Variants in OPCML observed in about 807,000 individuals in gnomAD.
OPCML encodes the protein opioid binding protein/cell adhesion molecule like, also known as opioid-binding protein/cell adhesion molecule.
Under a neutral mutation model 37.8 loss-of-function variants are expected in OPCML, and 13 were observed. The observed-to-expected ratio is 0.34, with a 90% CI of 0.22 to 0.55. The LOEUF is 0.55. Ranked by LOEUF, OPCML falls within the 20% of genes least tolerant of loss-of-function variation. The pLI is 0.91. For missense variants in OPCML, 341 were observed against 435.6 expected (o/e 0.78, Z 1.93); for synonymous variants, 176 against 168.8 (o/e 1.04, Z -0.33).
intron 1 of OPCML, among the ~76,000 whole-genome samples, chr11:132,981,542 C>A (rs776795709): frequency 6.6e-6 from 1 of 152,134 alleles, no homozygotes; most frequent in Non-Finnish European, 1.5e-5. Flanking sequence ...ACACAGGAAC[C>A]ACCGCACGTT....
At chr11:133,453,451 T>C (rs191391158) in intron 1 of OPCML, among the ~76,000 whole-genome samples, 89 of 152,348 alleles carry the variant, frequency 5.8e-4, no homozygotes, top group South Asian at 1.2e-3. Context: ...TAGGGTACAA[T>C]TTATTTATTT....
chr11:132,529,696 T>C (rs2096318742), intron 3 of OPCML, among the ~76,000 whole-genome samples: 2 of 152,222 alleles, frequency 1.3e-5, no homozygotes, highest in Non-Finnish European at 2.9e-5. Context: ...GTTGTTCCAT[T>C]GTGGAACTCT....
intron 1 of OPCML, among the ~76,000 whole-genome samples, chr11:133,194,172 TCCTTC>T (rs551103821): frequency 4.0e-4 from 60 of 150,920 alleles, no homozygotes; most frequent in Middle Eastern, 3.5e-3. Context: ...CGATGGCCAT[TCCTTC>T]CCTTCCCTTC....
At chr11:133,067,752 C>G (rs959360634) in intron 1 of OPCML, 1 of 152,204 alleles carries the variant, frequency 6.6e-6, no homozygotes, top group Non-Finnish European at 1.5e-5. Flanking sequence ...GCCATCGCCT[C>G]TCCCCCCAGG....
At position 133,009,081 on chromosome 11, in the gene OPCML, G is replaced by A. The variant is rs571976623; in HGVS notation, c.62-66071C>T. On this transcript the variant is annotated intron_variant, in intron 1 of 7. Transcript: ENST00000524381. ...AGATTACTTAAGTCTACATGTATGGGCAGGTTTAGTGAGATTAAATGCATT... is the reference window on the plus strand; with the variant it reads ...AGATTACTTAAGTCTACATGTATGGACAGGTTTAGTGAGATTAAATGCATT... 2.9e-5 allele frequency: 29 copies of A among 985,270 alleles called. No individual in the cohort carries two copies. In the African/African-American group the frequency reaches 4.7e-4, roughly 16 times the overall value. 61.0% of individuals were successfully genotyped at this position (985,270 alleles called of 1,614,324 possible).
chr11:133,246,098 A>G (rs757864538), intron 1 of OPCML, among the ~76,000 whole-genome samples: 5 of 152,308 alleles, frequency 3.3e-5, no homozygotes, highest in Non-Finnish European at 7.4e-5. Context: ...CTTTCTGCAC[A>G]TGTATCCCAG....
At chr11:132,971,785 C>A (rs982181840) in intron 1 of OPCML, among the ~76,000 whole-genome samples, 5 of 152,132 alleles carry the variant, frequency 3.3e-5, no homozygotes, top group Non-Finnish European at 1.5e-5. Flanking sequence ...TTCCCTCCCG[C>A]CTCCAAACCA....
intron 1 of OPCML, among the ~76,000 whole-genome samples, chr11:133,234,442 C>G (rs1345103529): frequency 2.0e-5 from 3 of 152,170 alleles, no homozygotes; most frequent in Non-Finnish European, 2.9e-5. Flanking sequence ...TGATTCATTA[C>G]AAACATGGAA....
intron 2 of OPCML, among the ~76,000 whole-genome samples, chr11:132,744,777 G>A (rs1158309973): frequency 1.3e-5 from 2 of 152,228 alleles, no homozygotes; most frequent in African/African-American, 2.4e-5. Flanking sequence ...AATAAATGCT[G>A]AGGGGACACC....
intron 4 of OPCML, among the ~76,000 whole-genome samples, chr11:132,441,997 A>G (rs1425591338): frequency 6.6e-6 from 1 of 152,198 alleles, no homozygotes; most frequent in Non-Finnish European, 1.5e-5. Flanking sequence ...AAAACAACTC[A>G]GGGGAGAAGG....
chr11:133,035,866 G>C (rs939044661), intron 1 of OPCML, among the ~76,000 whole-genome samples: 11 of 152,062 alleles, frequency 7.2e-5, no homozygotes, highest in African/African-American at 2.4e-4. Context: ...AGACACCATG[G>C]GCGCAGCGGC....
At chr11:132,930,643 A>C (rs1945166164) in intron 2 of OPCML, among the ~76,000 whole-genome samples, 1 of 152,178 alleles carries the variant, frequency 6.6e-6, no homozygotes. Context: ...CTTAGGAATA[A>C]ATTTAACTAA....
At chr11:133,034,552 C>T (rs1178491518) in intron 1 of OPCML, among the ~76,000 whole-genome samples, 2 of 152,132 alleles carry the variant, frequency 1.3e-5, no homozygotes, top group Non-Finnish European at 2.9e-5. Context: ...AGCTTTATCT[C>T]CTTCTAACTC....
At chr11:133,015,645 C>G (rs969789923) in intron 1 of OPCML, among the ~76,000 whole-genome samples, 1 of 152,184 alleles carries the variant, frequency 6.6e-6, no homozygotes, top group African/African-American at 2.4e-5. Flanking sequence ...TCCCTATCAC[C>G]AAAGCAAGAT....
chr11:133,506,472 T>C (rs1368330110), intron 1 of OPCML, among the ~76,000 whole-genome samples: 3 of 152,136 alleles, frequency 2.0e-5, no homozygotes, highest in Admixed American at 1.3e-4. Flanking sequence ...TCCAGCACAA[T>C]ATGTGGCAGG....
At chr11:133,308,888 T>C (rs897135616) in intron 1 of OPCML, among the ~76,000 whole-genome samples, 10 of 152,136 alleles carry the variant, frequency 6.6e-5, no homozygotes, top group African/African-American at 2.4e-4. Context: ...TCACAATAAC[T>C]AAAATTGGAG....
chr11:133,452,727 A>C (rs1357130892), intron 1 of OPCML, among the ~76,000 whole-genome samples: 1 of 151,726 alleles, frequency 6.6e-6, no homozygotes, highest in Non-Finnish European at 1.5e-5. Flanking sequence ...TCTACATGAC[A>C]TTGAGTGAGA....
chr11:132,925,622 T>C (rs1944962553), intron 2 of OPCML, among the ~76,000 whole-genome samples: 1 of 152,128 alleles, frequency 6.6e-6, no homozygotes, highest in Non-Finnish European at 1.5e-5. Context: ...CATCACTCAA[T>C]GGTCTTTTTA....
At chr11:133,323,559 A>G (rs1349521816) in intron 1 of OPCML, among the ~76,000 whole-genome samples, 1 of 152,174 alleles carries the variant, frequency 6.6e-6, no homozygotes. Flanking sequence ...GGGTCATGCT[A>G]TTGGTGGTGT....
Sources: allele counts gnomAD v4.1 joint callset (sites outside exome capture counted in the v4.1 genomes callset), GRCh38; gene constraint gnomAD v4.1.1; transcripts MANE v1.5; gene names NCBI Gene and HGNC (gene_info 2026-07-23, HGNC 2026-07-21).